Variants in GRIN2A observed in about 807,000 individuals in gnomAD.
GRIN2A encodes glutamate ionotropic receptor NMDA type subunit 2A, also known as glutamate receptor ionotropic, NMDA 2A.
A neutral mutation model predicts 113.4 loss-of-function variants in GRIN2A; 22 were observed. The ratio of observed to expected loss-of-function variants is 0.19; its 90% confidence interval spans 0.14 to 0.28. The LOEUF (loss-of-function observed/expected upper bound fraction) is 0.28, where lower values mean the gene tolerates loss of function less well. Among genes scored for constraint, GRIN2A ranks in the 10% least tolerant of loss-of-function variants. The pLI, the probability that GRIN2A is intolerant of heterozygous loss-of-function variation, is 1.00. For synonymous variants in GRIN2A, 827 were observed against 738.4 expected (o/e 1.12, Z -1.94); for missense variants, 1,502 against 1,887.0 (o/e 0.80, Z 3.78).
intron 2 of GRIN2A, among the ~76,000 whole-genome samples, chr16:10,129,467 G>A (rs2049018246): frequency 6.6e-6 from 1 of 152,158 alleles, no homozygotes; most frequent in Non-Finnish European, 1.5e-5. Context: ...CTAGAGTGGA[G>A]GCTACTTGAA....
chr16:9,914,400 T>A (rs1446790379), intron 3 of GRIN2A, among the ~76,000 whole-genome samples: 1 of 152,194 alleles, frequency 6.6e-6, no homozygotes, highest in Non-Finnish European at 1.5e-5. Flanking sequence ...CTATTTCAGA[T>A]AACAAAATTG....
At chr16:9,956,791 A>T (rs1298017679) in intron 2 of GRIN2A, among the ~76,000 whole-genome samples, 1 of 152,182 alleles carries the variant, frequency 6.6e-6, no homozygotes, top group Admixed American at 6.5e-5. Context: ...TCCAAACAGG[A>T]GATGCTGGAG....
At chr16:9,776,381 C>T (rs904042144) in intron 11 of GRIN2A, among the ~76,000 whole-genome samples, 1 of 150,880 alleles carries the variant, frequency 6.6e-6, no homozygotes, top group Non-Finnish European at 1.5e-5. Context: ...TCTCCTTGTA[C>T]CCCCAGTCTG....
intron 2 of GRIN2A, 177 bp downstream of exon 2, chr16:10,179,821 C>A: frequency 1.5e-6 from 1 of 654,976 alleles, no homozygotes; most frequent in South Asian, 1.7e-5. Context: ...CATTTCCATT[C>A]ATTTCTGGGT....
At chr16:10,106,231 T>A (rs114052213) in intron 2 of GRIN2A, among the ~76,000 whole-genome samples, 1,929 of 150,460 alleles carry the variant, frequency 0.013, 48 homozygotes, top group African/African-American at 0.045. Flanking sequence ...TTTCTTTTTA[T>A]CTTTCATTCC....
chr16:9,770,935 T>C (rs929542701), intron 11 of GRIN2A, among the ~76,000 whole-genome samples: 2 of 152,216 alleles, frequency 1.3e-5, no homozygotes, highest in Non-Finnish European at 2.9e-5. Flanking sequence ...TTTGGGTAAA[T>C]ACCTAGGAGC....
chr16:10,125,832 G>A (rs2048923148), intron 2 of GRIN2A, among the ~76,000 whole-genome samples: 1 of 152,012 alleles, frequency 6.6e-6, no homozygotes, highest in South Asian at 2.1e-4. Context: ...GGCTGGGTGG[G>A]AGGATGCTTA....
chr16:10,175,217 C>A (rs2050118898), intron 2 of GRIN2A, among the ~76,000 whole-genome samples: 2 of 152,160 alleles, frequency 1.3e-5, no homozygotes, highest in East Asian at 1.9e-4. Context: ...ACCTAACGAT[C>A]CATTTCTCAG....
chr16:9,983,406 C>A (rs1420858328), intron 2 of GRIN2A, among the ~76,000 whole-genome samples: 4 of 151,522 alleles, frequency 2.6e-5, no homozygotes, highest in Non-Finnish European at 5.9e-5. Context: ...CAAGCTCATC[C>A]ATGTTGCCAC....
At position 10,113,066 on chromosome 16, in the gene GRIN2A, G is replaced by A. The variant is rs2048651555; in HGVS notation, c.414+66932C>T. On this transcript the variant is annotated intron_variant, in intron 2 of 12. Coordinates refer to ENST00000330684, the MANE Select transcript of GRIN2A (RefSeq NM_001134407.3). The stretch of plus-strand genomic sequence containing the variant: ...CCCCTCGCTGAGCATCCCCTACAGA[G>A]TCGGGCCTGCTCCCTGGGCCAGGCT... 2.0e-5 allele frequency among the ~76,000 whole-genome samples: 3 copies of A among 151,828 alleles called. No individual in the cohort carries two copies. The South Asian group carries it at 6.3e-4, about 32-fold the overall frequency.
intron 11 of GRIN2A, among the ~76,000 whole-genome samples, chr16:9,794,305 T>G (rs1190229514): frequency 6.6e-6 from 1 of 152,118 alleles, no homozygotes; most frequent in Non-Finnish European, 1.5e-5. Flanking sequence ...ATTAGGAAAA[T>G]TTTTTATACT....
intron 2 of GRIN2A, among the ~76,000 whole-genome samples, chr16:9,991,835 G>C (rs2046120101): frequency 6.6e-6 from 1 of 152,172 alleles, no homozygotes; most frequent in Non-Finnish European, 1.5e-5. Context: ...TTACTCATAA[G>C]TGGGAGTTGA....
At chr16:10,031,108 C>T (rs890748942) in intron 2 of GRIN2A, among the ~76,000 whole-genome samples, 1 of 152,294 alleles carries the variant, frequency 6.6e-6, no homozygotes, top group South Asian at 2.1e-4. Context: ...ACTTAGTTCA[C>T]GTCACTTCCC....
rs777687136 is a variant in GRIN2A, at chr16:9,764,560, G to A, written c.2984C>T (p.Thr995Met). 8.1e-6 allele frequency: 13 copies of A among 1,613,776 alleles called. No individual in the cohort carries two copies. The Admixed American group carries it at 8.3e-5, about 10-fold the overall frequency. ...TTCTGTGCTCACGGCCACCTCCACC[G>A]TGTTAGGGTTGGACTCATTGAGAGT... ...PLTLNESNPN[T>M]VEVAVSTESK... The change falls in exon 13 of 13, where the codon ACG becomes ATG. Residue 995 changes from threonine (T) to methionine (M), a missense_variant. Thr to Met is a moderately conservative substitution (Grantham distance 81, BLOSUM62 -1). Around this residue, in one of 7 missense-constraint regions of GRIN2A, gnomAD observed 832 missense variants for 789.7 expected, o/e 1.05. Transcript: ENST00000330684.
At chr16:10,167,997 T>C (rs184643790) in intron 2 of GRIN2A, among the ~76,000 whole-genome samples, 453 of 152,322 alleles carry the variant, frequency 3.0e-3, no homozygotes, top group Middle Eastern at 0.02. Flanking sequence ...CTCTTTAGAA[T>C]ACAAACATAT....
chr16:9,972,843 T>C (rs1303011898), intron 2 of GRIN2A, among the ~76,000 whole-genome samples: 1 of 152,218 alleles, frequency 6.6e-6, no homozygotes. Context: ...GAAAGAGTAA[T>C]TCACACACAG....
At chr16:10,022,969 C>T (rs1385425542) in intron 2 of GRIN2A, among the ~76,000 whole-genome samples, 1 of 152,172 alleles carries the variant, frequency 6.6e-6, no homozygotes, top group Non-Finnish European at 1.5e-5. Flanking sequence ...GGATAAACTG[C>T]TCAGTTTGTA....
chr16:9,815,198 T>G (rs1359770018), intron 10 of GRIN2A, among the ~76,000 whole-genome samples: 1 of 152,102 alleles, frequency 6.6e-6, no homozygotes. Context: ...GACATGTCAC[T>G]GAGGACAACT....
chr16:9,775,210 T>G (rs950931601), intron 11 of GRIN2A, among the ~76,000 whole-genome samples: 7 of 152,166 alleles, frequency 4.6e-5, no homozygotes, highest in African/African-American at 1.7e-4. Context: ...TACATATTTT[T>G]TTTTTCTTGG....
Sources: allele counts gnomAD v4.1 joint callset (sites outside exome capture counted in the v4.1 genomes callset), GRCh38; gene constraint gnomAD v4.1.1; regional missense constraint gnomAD v4.1.1; transcripts MANE v1.5; gene names NCBI Gene and HGNC (gene_info 2026-07-23, HGNC 2026-07-21).